CDH2: variants seen among roughly 807,000 people sequenced by gnomAD.
The protein encoded by CDH2 is cadherin 2.
Under a neutral mutation model 92.0 loss-of-function variants are expected in CDH2, and 17 were observed. The ratio of observed to expected loss-of-function variants is 0.18; its 90% confidence interval spans 0.13 to 0.28. The LOEUF is 0.28. Among genes scored for constraint, CDH2 ranks in the 10% least tolerant of loss-of-function variants. The pLI, the probability that CDH2 is intolerant of heterozygous loss-of-function variation, is 1.00. For missense variants in CDH2, 862 were observed against 1,133.1 expected (o/e 0.76, Z 3.44); for synonymous variants, 419 against 415.9 (o/e 1.01, Z -0.09).
intron 7 of CDH2, among the ~76,000 whole-genome samples, chr18:27,998,047 C>G (rs1049663748): frequency 1.3e-4 from 20 of 152,234 alleles, no homozygotes; most frequent in African/African-American, 4.8e-4. Flanking sequence ...ACCTCGTGAT[C>G]CGCCCACCTT....
intron 2 of CDH2, among the ~76,000 whole-genome samples, chr18:28,066,796 G>A (rs1057094142): frequency 6.6e-6 from 1 of 151,552 alleles, no homozygotes; most frequent in African/African-American, 2.4e-5. Flanking sequence ...AGCACATTTA[G>A]TACTTACTAG....
rs2013044241 is a variant in CDH2 at position 28,009,794 on chromosome 18, T to C, written c.625A>G (p.Ile209Val). The change falls in exon 5 of 16, where the codon ATC (isoleucine) becomes GTC (valine). Residue 209 changes from isoleucine to valine, a missense_variant. Ile to Val is a conservative substitution (Grantham distance 29, BLOSUM62 3). This residue lies in a region of CDH2 where 564 missense variants were observed against 722.2 expected (regional missense o/e 0.78). Coordinates refer to ENST00000269141, the MANE Select transcript of CDH2 (RefSeq NM_001792.5). ...CCCGAGATGGGGTTGATAATGAAGA[T>C]ACCAGTTGGAGGCTGGTCAGCTCCT... ...GPGADQPPTG[I>V]FIINPISGQL... 6.2e-7 allele frequency: 1 copy of C among 1,614,068 alleles called. No individual in the cohort carries two copies. Among genetic ancestry groups the C allele is most frequent in the Non-Finnish European group, 8.5e-7 (1 of 1,179,984 alleles).
intron 2 of CDH2, among the ~76,000 whole-genome samples, chr18:28,103,909 T>G (rs1599103357): frequency 1.3e-5 from 2 of 152,262 alleles, no homozygotes; most frequent in South Asian, 4.2e-4. Context: ...ACCAGAAATT[T>G]TAAATACTAT....
chr18:27,981,904 A>C (rs979173360), intron 14 of CDH2, among the ~76,000 whole-genome samples: 11 of 152,194 alleles, frequency 7.2e-5, no homozygotes, highest in African/African-American at 2.7e-4. Context: ...ATAACTATCA[A>C]ATGTATCTAA....
At chr18:28,137,068 T>C (rs2015875195) in intron 2 of CDH2, among the ~76,000 whole-genome samples, 1 of 152,068 alleles carries the variant, frequency 6.6e-6, no homozygotes, top group South Asian at 2.1e-4. Context: ...TAAAGGCATA[T>C]AAACAGCACA....
chr18:28,089,078 AAG>A (rs1008332327), intron 2 of CDH2, among the ~76,000 whole-genome samples: 1 of 152,224 alleles, frequency 6.6e-6, no homozygotes, highest in African/African-American at 2.4e-5. Context: ...TATAACAGAA[AAG>A]AGAGGAGGAA....
chr18:28,022,777 T>A (rs1015064002), intron 2 of CDH2, among the ~76,000 whole-genome samples: 2 of 152,162 alleles, frequency 1.3e-5, no homozygotes, highest in Admixed American at 1.3e-4. Flanking sequence ...ATACTTTTTT[T>A]AGGTTTTCAA....
At chr18:28,043,479 T>A (rs371082077) in intron 2 of CDH2, among the ~76,000 whole-genome samples, 23,445 of 108,276 alleles carry the variant, frequency 0.22, 2,982 homozygotes, top group South Asian at 0.36. Flanking sequence ...TATATATATA[T>A]ATATATATAT....
At chr18:28,027,767 AT>A (rs1255123985) in intron 2 of CDH2, among the ~76,000 whole-genome samples, 1 of 151,842 alleles carries the variant, frequency 6.6e-6, no homozygotes, top group Non-Finnish European at 1.5e-5. Context: ...GCTACGAAAT[AT>A]TTCAATGAAA....
At chr18:27,965,363 A>G (rs1293465263) in intron 14 of CDH2, among the ~76,000 whole-genome samples, 1 of 152,248 alleles carries the variant, frequency 6.6e-6, no homozygotes, top group African/African-American at 2.4e-5. Context: ...CGAGGTAGGT[A>G]TAGAGACTTC....
At chr18:28,166,575 A>C (rs1277378460) in intron 1 of CDH2, among the ~76,000 whole-genome samples, 2 of 152,224 alleles carry the variant, frequency 1.3e-5, no homozygotes, top group Non-Finnish European at 2.9e-5. Context: ...CTCAAACACA[A>C]ACATGGTATG....
intron 1 of CDH2, among the ~76,000 whole-genome samples, chr18:28,161,737 C>T (rs1208460130): frequency 2.6e-5 from 4 of 152,118 alleles, no homozygotes; most frequent in African/African-American, 9.7e-5. Context: ...ATGAGCTCAA[C>T]AGTCAATCCA....
At chr18:28,157,938 T>G (rs1445778869) in intron 1 of CDH2, among the ~76,000 whole-genome samples, 1 of 152,226 alleles carries the variant, frequency 6.6e-6, no homozygotes, top group East Asian at 1.9e-4. Context: ...ATGTTAATTT[T>G]CAGAGGTGAT....
At chr18:28,047,778 A>G (rs939759540) in intron 2 of CDH2, among the ~76,000 whole-genome samples, 5 of 148,366 alleles carry the variant, frequency 3.4e-5, no homozygotes, top group African/African-American at 1.2e-4. Flanking sequence ...CTGAGGCAGG[A>G]GAATGGCGTG....
chr18:28,053,770 G>A lies in CDH2; in HGVS notation c.173-39861C>T, dbSNP rs138079115. ...TGTTTTTTAAGACTATTGGTCTTTT[G>A]TCTTTTAAGACTATTGGTGCCCAGT... On this transcript the variant is annotated intron_variant, in intron 2 of 15. Transcript: ENST00000269141. Among the ~76,000 whole-genome samples the A allele has an allele frequency of 1.4e-4, 22 of 152,252 alleles. No homozygotes were observed. The East Asian group carries it at 4.1e-3, about 28-fold the overall frequency.
intron 1 of CDH2, among the ~76,000 whole-genome samples, chr18:28,166,309 A>G (rs1175587955): frequency 1.3e-5 from 2 of 151,822 alleles, no homozygotes; most frequent in Non-Finnish European, 2.9e-5. Flanking sequence ...CTAAAATGTT[A>G]TACGCAATCT....
intron 2 of CDH2, among the ~76,000 whole-genome samples, chr18:28,088,854 GGA>G (rs1277781136): frequency 6.6e-6 from 1 of 152,144 alleles, no homozygotes; most frequent in African/African-American, 2.4e-5. Context: ...TTGCATATCA[GGA>G]GAGAAAATAC....
chr18:28,105,067 C>T (rs906950766), intron 2 of CDH2, among the ~76,000 whole-genome samples: 3 of 152,054 alleles, frequency 2.0e-5, no homozygotes, highest in Non-Finnish European at 4.4e-5. Context: ...CCTTCTTATA[C>T]TATTCTAGCT....
chr18:28,015,768 T>C (rs1371986437), intron 2 of CDH2, among the ~76,000 whole-genome samples: 1 of 152,192 alleles, frequency 6.6e-6, no homozygotes, highest in Admixed American at 6.5e-5. Flanking sequence ...TTCCTGGTCA[T>C]GGCATGCCCA....
Sources: gnomAD v4.1 joint callset for allele counts (sites outside exome capture counted in the v4.1 genomes callset) on GRCh38, gnomAD v4.1.1 for gene constraint, gnomAD v4.1.1 regional missense constraint, MANE v1.5 for transcripts, NCBI Gene and HGNC (gene_info 2026-07-23, HGNC 2026-07-21) for gene names.